The following SLC16A12 variants were observed in gnomAD, a reference collection of about 807,000 sequenced individuals.
The protein encoded by SLC16A12 is monocarboxylate transporter 12.
In SLC16A12, 17 loss-of-function variants were observed where a neutral mutation model predicts 42.4. The ratio of observed to expected loss-of-function variants is 0.40; its 90% confidence interval spans 0.27 to 0.60. The LOEUF is 0.60. Among genes scored for constraint, SLC16A12 ranks in the 20% least tolerant of loss-of-function variants. The pLI, the probability that SLC16A12 is intolerant of heterozygous loss-of-function variation, is 0.42. For synonymous variants in SLC16A12, 224 were observed against 229.4 expected (o/e 0.98, Z 0.21); for missense variants, 544 against 623.0 (o/e 0.87, Z 1.35).
At chr10:89,484,963 G>A (rs955900580) in intron 2 of SLC16A12, among the ~76,000 whole-genome samples, 1 of 152,124 alleles carries the variant, frequency 6.6e-6, no homozygotes, top group Non-Finnish European at 1.5e-5. Context: ...CCAATCCAAA[G>A]ACCGAATCAA....
upstream of SLC16A12, among the ~76,000 whole-genome samples, chr10:89,540,354 C>T (rs1459089900): frequency 6.6e-6 from 1 of 152,190 alleles, no homozygotes; most frequent in African/African-American, 2.4e-5. Context: ...CCGCCTTGGC[C>T]TCCCAAAGTG....
chr10:89,539,909 C>CTTTCTTTCT (rs370913553), upstream of SLC16A12, among the ~76,000 whole-genome samples: 1,683 of 137,016 alleles, frequency 0.012, 36 homozygotes, highest in African/African-American at 0.039. Context: ...TTCTTTCTTT[C>CTTTCTTTCT]TTTTTTCTTT....
chr10:89,453,684 A>G lies in SLC16A12; in HGVS notation c.200+8695T>C, dbSNP rs75630742. Among the ~76,000 whole-genome samples the G allele has an allele frequency of 6.0e-3, 907 of 152,294 alleles. 4 individuals are homozygous for G. The highest frequency in any genetic ancestry group is 0.021 in the African/African-American group (858 of 41,556). ...TACACTCTATGATGTTCACATGACA[A>G]TGAAATTGCTTAATGATATATTTCT... is the stretch of plus-strand genomic sequence containing the variant. On this transcript the variant is annotated intron_variant, in intron 3 of 7. Transcript: ENST00000371790.
intron 2 of SLC16A12, among the ~76,000 whole-genome samples, chr10:89,519,119 A>G (rs1158453349): frequency 6.6e-6 from 1 of 152,140 alleles, no homozygotes; most frequent in African/African-American, 2.4e-5. Context: ...ATTCAGTTAT[A>G]TGAATGAAAG....
intron 2 of SLC16A12, among the ~76,000 whole-genome samples, chr10:89,527,209 G>T (rs988672481): frequency 6.6e-6 from 1 of 152,258 alleles, no homozygotes. Flanking sequence ...TGAGTAGGGC[G>T]TGGTGGCTCA....
chr10:89,505,921 G>A lies in SLC16A12; in HGVS notation c.-47+28580C>T, dbSNP rs148639810. On this transcript the variant is annotated intron_variant, in intron 2 of 7. Transcript: ENST00000371790. ...AGGGAGGGGTGTCTGCCATTGCTGAGGCTTCAGTAGGCGGTATTATGCTCA... is the reference window on the plus strand; with the variant it reads ...AGGGAGGGGTGTCTGCCATTGCTGAAGCTTCAGTAGGCGGTATTATGCTCA... Among the ~76,000 whole-genome samples the A allele has an allele frequency of 6.6e-5, 10 of 152,312 alleles. No homozygotes were observed. The East Asian group carries it at 1.9e-3, about 29-fold the overall frequency.
chr10:89,554,064 GAAAGAA>G (rs1564607129), intron 2 of SLC16A12, among the ~76,000 whole-genome samples: 2 of 97,854 alleles, frequency 2.0e-5, no homozygotes, highest in Non-Finnish European at 4.3e-5. Flanking sequence ...AAGAAAGAAA[GAAAGAA>G]AGAAAGAAAG....
chr10:89,473,229 GGTTGAAGA>G (rs1270661488), intron 2 of SLC16A12, among the ~76,000 whole-genome samples: 1 of 151,922 alleles, frequency 6.6e-6, no homozygotes, highest in Non-Finnish European at 1.5e-5. Context: ...AAAGAACAAA[GGTTGAAGA>G]CTTACATTAA....
intron 2 of SLC16A12, among the ~76,000 whole-genome samples, chr10:89,487,346 T>C (rs1842772237): frequency 6.6e-6 from 1 of 152,028 alleles, no homozygotes; most frequent in Admixed American, 6.6e-5. Flanking sequence ...AAACAACAGA[T>C]GTTGGCAAGG....
rs796398100 is a variant in SLC16A12, at chr10:89,436,914, A to AAGAAAGAAAGAGAAAG, written c.1029-596_1029-595insCTTTCTCTTTCTTTCT. Among the ~76,000 whole-genome samples, 170 of 136,562 alleles carry AAGAAAGAAAGAGAAAG rather than the reference A, an allele frequency of 1.2e-3. 1 individual carries two copies. The highest frequency in any genetic ancestry group is 2.0e-3 in the Admixed American group (28 of 13,986). 89.6% of individuals were successfully genotyped at this position (136,562 alleles called of 152,430 possible). ...AAAGAAAGAAAGAAAGAAAGAAAGA[A>AAGAAAGAAAGAGAAAG]AAAGAAAGAGTGCATAAATCTCAAA... On this transcript the variant is annotated intron_variant, in intron 6 of 7. Coordinates refer to ENST00000371790, the MANE Select transcript of SLC16A12 (RefSeq NM_213606.4).
At chr10:89,483,196 T>C (rs1245611158) in intron 2 of SLC16A12, among the ~76,000 whole-genome samples, 1 of 152,142 alleles carries the variant, frequency 6.6e-6, no homozygotes, top group Non-Finnish European at 1.5e-5. Context: ...GCATCTCTTC[T>C]AAGGACACTA....
intron 2 of SLC16A12, among the ~76,000 whole-genome samples, chr10:89,523,267 C>T (rs749705032): frequency 2.0e-5 from 3 of 152,176 alleles, no homozygotes; most frequent in Admixed American, 6.5e-5. Context: ...CTGGCTCTCA[C>T]GGATTAGAAT....
chr10:89,527,258 A>G (rs949583553), intron 2 of SLC16A12, among the ~76,000 whole-genome samples: 4 of 151,734 alleles, frequency 2.6e-5, no homozygotes, highest in Non-Finnish European at 4.4e-5. Context: ...CGAGGTGGGC[A>G]GATCACTTGA....
intron 2 of SLC16A12, among the ~76,000 whole-genome samples, chr10:89,496,538 C>T (rs1001852479): frequency 1.1e-4 from 16 of 152,048 alleles, no homozygotes; most frequent in African/African-American, 3.6e-4. Context: ...GAAAGAAATG[C>T]TATAAAAACA....
chr10:89,527,312 G>A (rs552442644), intron 2 of SLC16A12, among the ~76,000 whole-genome samples: 5 of 151,862 alleles, frequency 3.3e-5, no homozygotes, highest in Non-Finnish European at 5.9e-5. Flanking sequence ...GTGAAACCCC[G>A]TCTCTACTAA....
chr10:89,432,273 T>C lies in SLC16A12; in HGVS notation c.*791A>G, dbSNP rs983095136. ...TGTTCTGCTAAATTTAGAGTAAGTA[T>C]TATATGTGATGGTAACAAATGTGAG... On this transcript the variant is annotated 3_prime_UTR_variant, in exon 8 of 8. Coordinates refer to ENST00000371790, the MANE Select transcript of SLC16A12 (RefSeq NM_213606.4). 2 of 152,380 alleles carry C rather than the reference T, an allele frequency of 1.3e-5. No homozygotes were observed. Among genetic ancestry groups the C allele is most frequent in the Non-Finnish European group, 1.5e-5 (1 of 68,038 alleles). The allele number at this position is 152,380 out of a possible 1,614,324, so 9.4% of individuals were successfully genotyped here.
chr10:89,478,243 G>C (rs547474380), intron 2 of SLC16A12, among the ~76,000 whole-genome samples: 29 of 152,114 alleles, frequency 1.9e-4, no homozygotes, highest in Non-Finnish European at 3.7e-4. Flanking sequence ...CAGTCCACAG[G>C]ATCTGACAGT....
At chr10:89,436,723 A>G (rs1462744538) in intron 6 of SLC16A12, among the ~76,000 whole-genome samples, 2 of 151,866 alleles carry the variant, frequency 1.3e-5, no homozygotes, top group African/African-American at 4.8e-5. Flanking sequence ...CATTGGAAGA[A>G]GAAGAATTGT....
chr10:89,450,872 A>G (rs1842084467), intron 3 of SLC16A12, among the ~76,000 whole-genome samples: 2 of 152,240 alleles, frequency 1.3e-5, no homozygotes. Context: ...CAATTACTTT[A>G]CAATAAACAT....
Sources: allele counts gnomAD v4.1 joint callset (sites outside exome capture counted in the v4.1 genomes callset), GRCh38; gene constraint gnomAD v4.1.1; transcripts MANE v1.5; gene names NCBI Gene and HGNC (gene_info 2026-07-23, HGNC 2026-07-21).